OPCML: variants seen among roughly 807,000 people sequenced by gnomAD.
The protein encoded by OPCML is opioid-binding protein/cell adhesion molecule.
Under a neutral mutation model 37.8 loss-of-function variants are expected in OPCML, and 13 were observed. The ratio of observed to expected loss-of-function variants is 0.34; its 90% confidence interval spans 0.22 to 0.55. The LOEUF is 0.55. OPCML is among the 20% of genes least tolerant of loss of function. The pLI is 0.91. For missense variants in OPCML, 341 were observed against 435.6 expected (o/e 0.78, Z 1.93); for synonymous variants, 176 against 168.8 (o/e 1.04, Z -0.33).
intron 2 of OPCML, among the ~76,000 whole-genome samples, chr11:132,670,717 A>AAT (rs1316647034): frequency 6.6e-6 from 1 of 152,220 alleles, no homozygotes; most frequent in Admixed American, 6.5e-5. Flanking sequence ...GATTGTAGTG[A>AAT]ATATCCAAAG....
intron 1 of OPCML, among the ~76,000 whole-genome samples, chr11:133,193,567 T>C (rs1466436080): frequency 2.0e-5 from 3 of 152,218 alleles, no homozygotes; most frequent in Non-Finnish European, 2.9e-5. Flanking sequence ...ATGGGCACTA[T>C]TTTGGTAATT....
At chr11:133,055,892 G>A (rs4937745) in intron 1 of OPCML, among the ~76,000 whole-genome samples, 119,469 of 144,740 alleles carry the variant, frequency 0.83, 48,827 homozygotes, top group Middle Eastern at 0.9. Flanking sequence ...GTGAGACCCC[G>A]TGAGGGAGAC....
intron 1 of OPCML, among the ~76,000 whole-genome samples, chr11:133,258,364 T>C (rs1196326672): frequency 6.6e-6 from 1 of 152,156 alleles, no homozygotes; most frequent in Non-Finnish European, 1.5e-5. Flanking sequence ...CTGAGTTTTA[T>C]GGACAAGCAT....
intron 2 of OPCML, among the ~76,000 whole-genome samples, chr11:132,820,970 A>G (rs1457018933): frequency 6.6e-6 from 1 of 152,204 alleles, no homozygotes; most frequent in African/African-American, 2.4e-5. Context: ...TCAAACAAAA[A>G]GACTGCTCTT....
intron 2 of OPCML, among the ~76,000 whole-genome samples, chr11:132,760,367 C>A (rs1425389182): frequency 6.6e-6 from 1 of 152,100 alleles, no homozygotes; most frequent in African/African-American, 2.4e-5. Context: ...AATTTTCTGT[C>A]TCATTGATCT....
intron 1 of OPCML, among the ~76,000 whole-genome samples, chr11:132,971,157 T>G (rs1273520887): frequency 6.6e-6 from 1 of 152,144 alleles, no homozygotes; most frequent in African/African-American, 2.4e-5. Context: ...CTTTCAAAAT[T>G]CCTCTAGCTG....
intron 2 of OPCML, chr11:132,773,116 G>A (rs1166932918): frequency 6.6e-6 from 1 of 152,250 alleles, no homozygotes; most frequent in African/African-American, 2.4e-5. Context: ...GGCACCCTGA[G>A]AGGTGACATC....
chr11:133,096,858 T>C (rs1949011251), intron 1 of OPCML, among the ~76,000 whole-genome samples: 1 of 152,066 alleles, frequency 6.6e-6, no homozygotes, highest in African/African-American at 2.4e-5. Context: ...ATCTTTACTG[T>C]GTGTGCACTT....
chr11:133,316,722 A>C (rs1297829621), intron 1 of OPCML, among the ~76,000 whole-genome samples: 1 of 152,226 alleles, frequency 6.6e-6, no homozygotes, highest in Non-Finnish European at 1.5e-5. Context: ...TGTTTGTGTT[A>C]ATATGTATGG....
At chr11:133,131,146 C>T (rs1949597608) in intron 1 of OPCML, among the ~76,000 whole-genome samples, 2 of 152,058 alleles carry the variant, frequency 1.3e-5, no homozygotes, top group African/African-American at 4.8e-5. Flanking sequence ...TGTCTGTGAA[C>T]CAGGAAGCAG....
At chr11:133,475,759 A>G (rs1401672883) in intron 1 of OPCML, among the ~76,000 whole-genome samples, 2 of 152,200 alleles carry the variant, frequency 1.3e-5, no homozygotes, top group African/African-American at 4.8e-5. Flanking sequence ...CAGAAAGCCC[A>G]GCGTGGATGG....
At chr11:132,586,870 A>T (rs2096473806) in intron 3 of OPCML, among the ~76,000 whole-genome samples, 1 of 152,224 alleles carries the variant, frequency 6.6e-6, no homozygotes, top group Admixed American at 6.5e-5. Flanking sequence ...CTCAAAAATA[A>T]AGAACAAATT....
chr11:133,235,311 C>T (rs989829227), intron 1 of OPCML, among the ~76,000 whole-genome samples: 1 of 152,158 alleles, frequency 6.6e-6, no homozygotes, highest in Middle Eastern at 3.2e-3. Flanking sequence ...TACCCCAGAG[C>T]TCTCAGGAAA....
chr11:133,242,230 A>T (rs1182566782), intron 1 of OPCML, among the ~76,000 whole-genome samples: 1 of 152,162 alleles, frequency 6.6e-6, no homozygotes, highest in African/African-American at 2.4e-5. Context: ...GAATGATACG[A>T]TTACCACATC....
intron 4 of OPCML, among the ~76,000 whole-genome samples, chr11:132,446,869 G>A (rs996446242): frequency 5.3e-5 from 8 of 152,122 alleles, no homozygotes; most frequent in African/African-American, 1.9e-4. Flanking sequence ...AACCTTGTCT[G>A]CAGCAACCTA....
intron 1 of OPCML, among the ~76,000 whole-genome samples, chr11:133,349,845 C>T (rs1209317450): frequency 6.6e-6 from 1 of 152,192 alleles, no homozygotes; most frequent in African/African-American, 2.4e-5. Context: ...TCTTTAGAAG[C>T]TATCAGGGAG....
intron 2 of OPCML, among the ~76,000 whole-genome samples, chr11:132,685,406 C>T (rs1422116654): frequency 6.6e-6 from 1 of 152,184 alleles, no homozygotes; most frequent in African/African-American, 2.4e-5. Flanking sequence ...GTTTTGAAGT[C>T]TGTAGCCTAC....
chr11:132,445,937 G>T (rs964494744), intron 4 of OPCML, among the ~76,000 whole-genome samples: 1 of 152,066 alleles, frequency 6.6e-6, no homozygotes, highest in Admixed American at 6.5e-5. Context: ...CAGCTTTATT[G>T]TAGGTGGGTC....
intron 4 of OPCML, among the ~76,000 whole-genome samples, chr11:132,512,542 C>A (rs2096271024): frequency 6.6e-6 from 1 of 151,834 alleles, no homozygotes; most frequent in Non-Finnish European, 1.5e-5. Flanking sequence ...CCACACACAA[C>A]ATGAATAAAA....
Sources: gnomAD v4.1 joint callset for allele counts (sites outside exome capture counted in the v4.1 genomes callset) on GRCh38, gnomAD v4.1.1 for gene constraint, MANE v1.5 for transcripts, NCBI Gene and HGNC (gene_info 2026-07-23, HGNC 2026-07-21) for gene names.